The following PRPSAP2 variants were observed in gnomAD, a reference collection of about 807,000 sequenced individuals.
The protein encoded by PRPSAP2 is phosphoribosyl pyrophosphate synthetase associated protein 2, also known as phosphoribosyl pyrophosphate synthase-associated protein 2.
A neutral mutation model predicts 40.6 loss-of-function variants in PRPSAP2; 24 were observed. The observed-to-expected ratio is 0.59, with a 90% confidence interval of 0.43 to 0.83. The LOEUF (loss-of-function observed/expected upper bound fraction) is 0.83. Among genes scored for constraint, PRPSAP2 ranks in the 40% least tolerant of loss-of-function variants. The probability of loss-of-function intolerance (pLI) is 0.00; values close to 1 mark genes in which losing one functional copy is unlikely to be tolerated. For missense variants in PRPSAP2, 292 were observed against 465.6 expected, an observed-to-expected ratio of 0.63 and a Z score of 3.43; for synonymous variants, 149 against 164.7, an observed-to-expected ratio of 0.90 and a Z score of 0.73.
chr17:18,914,807 C>T (rs1318987128), intron 9 of PRPSAP2, among the ~76,000 whole-genome samples: 1 of 151,880 alleles, frequency 6.6e-6, no homozygotes, highest in Non-Finnish European at 1.5e-5. Flanking sequence ...TCACTGCAAC[C>T]TCCAGCTCCC....
At chr17:18,898,014 TTTTG>T (rs1187051051) in intron 8 of PRPSAP2, among the ~76,000 whole-genome samples, 2 of 115,310 alleles carry the variant, frequency 1.7e-5, no homozygotes, top group African/African-American at 6.7e-5. Flanking sequence ...TTTTTTTTTT[TTTTG>T]AGGCAGTGTC....
At chr17:18,877,337 A>C (rs2038371765) in intron 5 of PRPSAP2, among the ~76,000 whole-genome samples, 3 of 152,146 alleles carry the variant, frequency 2.0e-5, no homozygotes, top group African/African-American at 7.2e-5. Flanking sequence ...TGGTGGAGGC[A>C]GGAGAGGAGA....
At chr17:18,907,672 G>A (rs1235451518) in intron 8 of PRPSAP2, among the ~76,000 whole-genome samples, 2 of 152,046 alleles carry the variant, frequency 1.3e-5, no homozygotes, top group African/African-American at 4.8e-5. Flanking sequence ...AATTATGCAA[G>A]CCATACAAAA....
In PRPSAP2 at chr17:18,868,385, G is replaced by T. The variant is rs182616946; in HGVS notation, c.172+1051G>T. Among the ~76,000 whole-genome samples, 1,030 of 151,982 alleles carry T rather than the reference G, an allele frequency of 6.8e-3. 15 individuals are homozygous for T. The highest frequency in any genetic ancestry group is 0.023 in the African/African-American group (955 of 41,450). On this transcript the variant is annotated intron_variant, in intron 4 of 11. Coordinates refer to ENST00000268835, the MANE Select transcript of PRPSAP2 (RefSeq NM_002767.4). ...AGCTCCTGGGAAGGCTGAGGCAGGA[G>T]AATCGCTTGAACCCGGGCGGTGGAG...
At chr17:18,891,899 G>T (rs1046002665) in intron 8 of PRPSAP2, among the ~76,000 whole-genome samples, 1 of 152,160 alleles carries the variant, frequency 6.6e-6, no homozygotes. Context: ...CTCTGTTGCC[G>T]AGGCTGGAGT....
chr17:18,916,281 T>C (rs189335451), intron 9 of PRPSAP2, among the ~76,000 whole-genome samples: 6 of 152,246 alleles, frequency 3.9e-5, no homozygotes, highest in Non-Finnish European at 7.4e-5. Flanking sequence ...CACTCCTGCA[T>C]TGGTGGGTAT....
At chr17:18,857,587 T>TTC (rs1486983494), upstream of PRPSAP2, among the ~76,000 whole-genome samples, 1 of 149,726 alleles carries the variant, frequency 6.7e-6, no homozygotes, top group Non-Finnish European at 1.5e-5. Context: ...CTAATTTTTT[T>TTC]TTTTTGTATT....
At chr17:18,872,525 A>T in intron 4 of PRPSAP2, 58 bp from the exon 5 acceptor site, 2 of 1,344,572 alleles carry the variant, frequency 1.5e-6, no homozygotes, top group African/African-American at 1.5e-5. Context: ...TTTTTTGTGT[A>T]TTTTGAAAAA....
intron 5 of PRPSAP2, among the ~76,000 whole-genome samples, chr17:18,874,321 T>C (rs1407280968): frequency 6.6e-6 from 1 of 152,176 alleles, no homozygotes; most frequent in Non-Finnish European, 1.5e-5. Context: ...AATCAGTTTG[T>C]CTAGTGCATT....
intron 8 of PRPSAP2, among the ~76,000 whole-genome samples, chr17:18,894,184 T>C (rs1168712853): frequency 6.6e-6 from 1 of 151,278 alleles, no homozygotes. Context: ...TGAGACGGAG[T>C]TTCGCTCTTG....
intron 1 of PRPSAP2, among the ~76,000 whole-genome samples, chr17:18,862,239 G>A (rs2151874977): frequency 6.6e-6 from 1 of 152,318 alleles, no homozygotes; most frequent in African/African-American, 2.4e-5. Flanking sequence ...GCGGATGTGG[G>A]CATCAGACCC....
At chr17:18,892,745 A>ATTTATTTTTT (rs57347460) in intron 8 of PRPSAP2, among the ~76,000 whole-genome samples, 21 of 125,768 alleles carry the variant, frequency 1.7e-4, no homozygotes, top group African/African-American at 5.4e-4. Flanking sequence ...TTATTTATTT[A>ATTTATTTTTT]TTTTTTTGAG....
intron 4 of PRPSAP2, among the ~76,000 whole-genome samples, chr17:18,870,273 C>T (rs2037765301): frequency 6.6e-6 from 1 of 152,056 alleles, no homozygotes; most frequent in African/African-American, 2.4e-5. Context: ...GTGGCTCACT[C>T]CTGTAATCCC....
intron 8 of PRPSAP2, among the ~76,000 whole-genome samples, chr17:18,902,943 G>A (rs1043511191): frequency 6.6e-6 from 1 of 150,846 alleles, no homozygotes; most frequent in Non-Finnish European, 1.5e-5. Flanking sequence ...ACATATTTGA[G>A]TGCTGCTGTG....
intron 5 of PRPSAP2, 69 bp from the exon 6 acceptor site, chr17:18,877,629 G>A: frequency 6.9e-7 from 1 of 1,450,694 alleles, no homozygotes; most frequent in African/African-American, 1.4e-5. Flanking sequence ...ACACACTGCT[G>A]ACACTTTTTG....
chr17:18,926,377 C>T (rs928245422), intron 10 of PRPSAP2, among the ~76,000 whole-genome samples: 15 of 151,648 alleles, frequency 9.9e-5, no homozygotes, highest in Non-Finnish European at 1.9e-4. Flanking sequence ...AGCAATTCTC[C>T]TGCCTCAGCC....
At chr17:18,926,883 C>T (rs981888617) in intron 10 of PRPSAP2, among the ~76,000 whole-genome samples, 3 of 152,158 alleles carry the variant, frequency 2.0e-5, no homozygotes, top group Non-Finnish European at 4.4e-5. Context: ...TGCTCCTTCA[C>T]TGCAAGGCAC....
At chr17:18,892,727 G>GTGTGTTTATT (rs60288281) in intron 8 of PRPSAP2, among the ~76,000 whole-genome samples, 3 of 126,624 alleles carry the variant, frequency 2.4e-5, no homozygotes, top group African/African-American at 9.1e-5. Context: ...GTGTGTGTGT[G>GTGTGTTTATT]TATTTATTTA....
intron 8 of PRPSAP2, among the ~76,000 whole-genome samples, chr17:18,897,453 G>GTGGTGT (rs1555555754): frequency 1.0e-4 from 15 of 150,598 alleles, no homozygotes; most frequent in Admixed American, 3.3e-4. Flanking sequence ...CTCTATAGTG[G>GTGGTGT]TGTTGTTGTT....
Sources: allele counts gnomAD v4.1 joint callset (sites outside exome capture counted in the v4.1 genomes callset), GRCh38; gene constraint gnomAD v4.1.1; transcripts MANE v1.5; gene names NCBI Gene and HGNC (gene_info 2026-07-23, HGNC 2026-07-21).